C2CD3: variants seen among roughly 807,000 people sequenced by gnomAD.
C2CD3 encodes C2 domain-containing protein 3.
Under a neutral mutation model 234.0 loss-of-function variants are expected in C2CD3, and 148 were observed. That is an observed-to-expected ratio of 0.63 (90% CI 0.55 to 0.72). C2CD3 has a LOEUF of 0.72. C2CD3 is among the 30% of genes least tolerant of loss of function. The probability of loss-of-function intolerance (pLI) is 0.00; values close to 1 mark genes in which losing one functional copy is unlikely to be tolerated. For synonymous variants in C2CD3, 1,000 were observed against 1,035.4 expected (o/e 0.97, Z 0.66); for missense variants, 2,577 against 2,811.5 (o/e 0.92, Z 1.89).
intron 23 of C2CD3, among the ~76,000 whole-genome samples, chr11:74,076,206 G>A (rs1272066896): frequency 2.0e-5 from 3 of 152,254 alleles, no homozygotes; most frequent in African/African-American, 7.2e-5. Context: ...CATTTGATGT[G>A]CTCAAGAGAG....
At chr11:74,082,867 G>A (rs910456904) in intron 22 of C2CD3, among the ~76,000 whole-genome samples, 21 of 152,112 alleles carry the variant, frequency 1.4e-4, no homozygotes, top group Non-Finnish European at 1.9e-4. Context: ...CCATACTGCC[G>A]AAGGTAATTT....
intron 11 of C2CD3, chr11:74,109,575 T>C (rs1031038202): frequency 1.3e-5 from 2 of 153,652 alleles, no homozygotes; most frequent in African/African-American, 4.8e-5. Context: ...AAAACTATAA[T>C]ACAAAAATAA....
intron 25 of C2CD3, among the ~76,000 whole-genome samples, chr11:74,056,896 T>C (rs944645931): frequency 1.0e-4 from 14 of 139,096 alleles, no homozygotes; most frequent in Non-Finnish European, 1.7e-4. Context: ...TTTCTCTTTA[T>C]TGTAATTTTT....
At chr11:74,106,739 C>A (rs1480995354) in intron 12 of C2CD3, among the ~76,000 whole-genome samples, 1 of 152,128 alleles carries the variant, frequency 6.6e-6, no homozygotes, top group Non-Finnish European at 1.5e-5. Flanking sequence ...TTATCTTTTT[C>A]TATCACTAAG....
At chr11:74,085,589 T>A in intron 21 of C2CD3, 29 bp downstream of exon 21, 1 of 1,610,160 alleles carries the variant, frequency 6.2e-7, no homozygotes, top group Non-Finnish European at 8.5e-7. Context: ...TCTTTTAATT[T>A]TGATTGTGAC....
chr11:74,128,007 C>T (rs927693382), intron 7 of C2CD3, among the ~76,000 whole-genome samples: 20 of 152,086 alleles, frequency 1.3e-4, no homozygotes, highest in African/African-American at 4.3e-4. Flanking sequence ...GGACTACAGG[C>T]GCCTGCTACC....
chr11:74,024,369 T>G (rs896582226), intron 32 of C2CD3, among the ~76,000 whole-genome samples: 1 of 152,218 alleles, frequency 6.6e-6, no homozygotes, highest in African/African-American at 2.4e-5. Flanking sequence ...CAGTTACCAG[T>G]AGGTCCACAC....
intron 24 of C2CD3, among the ~76,000 whole-genome samples, chr11:74,063,241 C>A (rs1954336479): frequency 6.6e-6 from 1 of 152,122 alleles, no homozygotes; most frequent in Non-Finnish European, 1.5e-5. Context: ...CTATTCCAAT[C>A]AATAGAAAAA....
rs770777103 is a variant in C2CD3, at chr11:74,042,117, G to A, written c.5597C>T (p.Pro1866Leu). The change falls in exon 29 of 33, where the codon CCA (proline) becomes CTA (leucine). Residue 1866 changes from proline (P) to leucine (L), a missense_variant. Coordinates refer to ENST00000334126, the MANE Select transcript of C2CD3 (RefSeq NM_001286577.2). Reference sequence around the variant, plus strand: ...TGATGTGGTCAGTTTGTCATCACATGGCAAGGGTGCCTCTCCCTGAAGATG... The same window carrying A: ...TGATGTGGTCAGTTTGTCATCACATAGCAAGGGTGCCTCTCCCTGAAGATG... ...SLHLQGEAPL[P>L]CDDKLTTSPL... is the part of the protein sequence containing the mutation. The A allele has an allele frequency of 1.4e-5, 22 of 1,613,838 alleles. No homozygotes were observed. The South Asian group carries it at 2.2e-4, about 16-fold the overall frequency.
intron 3 of C2CD3, among the ~76,000 whole-genome samples, chr11:74,153,209 TAAAAA>T (rs1855784312): frequency 1.8e-5 from 2 of 110,008 alleles, no homozygotes; most frequent in Admixed American, 2.0e-4. Flanking sequence ...CTCTGTCTCT[TAAAAA>T]CAAAACAAAA....
intron 32 of C2CD3, among the ~76,000 whole-genome samples, chr11:74,026,389 T>C (rs1441692173): frequency 6.6e-6 from 1 of 151,794 alleles, no homozygotes; most frequent in African/African-American, 2.4e-5. Context: ...CATCTTGAAA[T>C]GGTGCTGAGG....
At position 74,161,706 on chromosome 11, in the gene C2CD3, G is replaced by A. The variant is rs150664625; in HGVS notation, c.326-150C>T. ...ACACCATTGCATTGGTGAAAGTGAG[G>A]GGAATTAGGTACTTTAATAAGTTGC... On this transcript the variant is annotated intron_variant, in intron 2 of 32. Coordinates refer to ENST00000334126, the MANE Select transcript of C2CD3 (RefSeq NM_001286577.2). The A allele has an allele frequency of 2.3e-3, 1,023 of 437,338 alleles. 13 individuals carry two copies. Among genetic ancestry groups the A allele is most frequent in the African/African-American group, 0.019 (933 of 49,124 alleles). The allele number at this position is 437,338 out of a possible 1,614,324, so 27.1% of individuals were successfully genotyped here.
At chr11:74,146,706 C>T (rs1855209773) in intron 3 of C2CD3, among the ~76,000 whole-genome samples, 1 of 65,952 alleles carries the variant, frequency 1.5e-5, no homozygotes, top group African/African-American at 5.9e-5. Flanking sequence ...GGCTAAAAGT[C>T]AAACCACACA....
In C2CD3 at chr11:74,135,269, CTTTTT is replaced by C. The variant is rs111811054; in HGVS notation, c.956-1717_956-1713del. On this transcript the variant is annotated intron_variant, in intron 5 of 32. Transcript: ENST00000334126. The stretch of plus-strand genomic sequence containing the variant: ...ATTTTGCAGATGTAATTATTTAAAA[CTTTTT>C]TTTTTTTTTTTGAGACAAGGTCTTA... 1.8e-4 allele frequency among the ~76,000 whole-genome samples: 26 copies of C among 140,958 alleles called. No homozygotes were observed. The East Asian group carries it at 5.3e-3, about 29-fold the overall frequency. The allele number at this position is 140,958 out of a possible 152,430, so 92.5% of individuals were successfully genotyped here.
At chr11:74,057,624 T>A in intron 24 of C2CD3, 80 bp from the exon 25 acceptor site, 1 of 1,420,248 alleles carries the variant, frequency 7.0e-7, no homozygotes, top group Non-Finnish European at 9.8e-7. Flanking sequence ...GCAGGACTAT[T>A]CCTGGCCCTC....
intron 1 of C2CD3, among the ~76,000 whole-genome samples, chr11:74,169,678 A>G (rs1857033633): frequency 6.6e-6 from 1 of 152,152 alleles, no homozygotes; most frequent in Non-Finnish European, 1.5e-5. Flanking sequence ...ATTCTGTTCT[A>G]TGCTATGTTA....
Position 74,032,555 on chromosome 11 carries a change from C to T in C2CD3, c.6809+796G>A, listed in dbSNP as rs1020546267. 5.0e-4 allele frequency among the ~76,000 whole-genome samples: 76 copies of T among 152,174 alleles called. 1 individual carries two copies. The highest frequency in any genetic ancestry group is 1.8e-3 in the African/African-American group (75 of 41,430). On this transcript the variant is annotated intron_variant, in intron 31 of 32. Coordinates refer to ENST00000334126, the MANE Select transcript of C2CD3 (RefSeq NM_001286577.2). ...GTCCATCTCCATGGTGCCTGTTTAGCTCCATCACTTCCTTTTTTAAAAAAA... is the reference window on the plus strand; with the variant it reads ...GTCCATCTCCATGGTGCCTGTTTAGTTCCATCACTTCCTTTTTTAAAAAAA...
chr11:74,091,869 T>A (rs772903927), intron 19 of C2CD3, among the ~76,000 whole-genome samples: 10 of 152,164 alleles, frequency 6.6e-5, no homozygotes, highest in Non-Finnish European at 1.3e-4. Flanking sequence ...TCTAGAATTG[T>A]ATACAAAATT....
chr11:74,123,307 C>G (rs557520122), intron 7 of C2CD3, among the ~76,000 whole-genome samples, 172 bp from the exon 8 acceptor site: 24 of 152,296 alleles, frequency 1.6e-4, no homozygotes, highest in African/African-American at 5.3e-4. Context: ...TACTACCCCT[C>G]CTCTGGGATG....
Sources: allele counts gnomAD v4.1 joint callset (sites outside exome capture counted in the v4.1 genomes callset), GRCh38; gene constraint gnomAD v4.1.1; transcripts MANE v1.5; gene names NCBI Gene and HGNC (gene_info 2026-07-23, HGNC 2026-07-21).